The following NCOR2 variants were observed in gnomAD, a reference collection of about 807,000 sequenced individuals.
NCOR2 encodes the protein nuclear receptor corepressor 2, also known as CTG repeat protein 26.
Under a neutral mutation model 262.9 loss-of-function variants are expected in NCOR2, and 81 were observed. That is an observed-to-expected ratio of 0.31 (90% CI 0.26 to 0.37). The LOEUF is 0.37. Ranked by LOEUF, NCOR2 falls within the 10% of genes least tolerant of loss-of-function variation. The pLI is 1.00. For synonymous variants in NCOR2, 1,659 were observed against 1,559.3 expected, an observed-to-expected ratio of 1.06 and a Z score of -1.51; for missense variants, 3,385 against 3,621.4, an observed-to-expected ratio of 0.93 and a Z score of 1.68.
At chr12:124,400,766 C>G in intron 14 of NCOR2, 93 bp from the exon 17 acceptor site, 1 of 1,488,288 alleles carries the variant, frequency 6.7e-7, no homozygotes, top group Non-Finnish European at 9.2e-7. Flanking sequence ...TGGATTTGCA[C>G]TGGCTGCCAG....
chr12:124,566,876 C>T lies in NCOR2; in HGVS notation c.-165+432G>A, dbSNP rs1318612932. ...CAGCCAGGCCAGGGAGCTAGGGGTACCATCTCCAAGGGCTTTCAAACCCGC... is the reference window on the plus strand; with the variant it reads ...CAGCCAGGCCAGGGAGCTAGGGGTATCATCTCCAAGGGCTTTCAAACCCGC... On this transcript the variant is annotated intron_variant, in intron 1 of 32. Coordinates refer to the NCOR2 transcript ENST00000458234. This position sits in a 1 kb window ranked among gnomAD's most constrained non-coding sequence, Gnocchi z 4.3. Among the ~76,000 whole-genome samples the T allele has an allele frequency of 2.6e-5, 4 of 152,198 alleles. No individual in the cohort carries two copies. The highest frequency in any genetic ancestry group is 9.6e-5 in the African/African-American group (4 of 41,456).
intron 5 of NCOR2, among the ~76,000 whole-genome samples, chr12:124,464,622 T>C (rs1455557162): frequency 1.3e-5 from 2 of 152,236 alleles, no homozygotes; most frequent in Non-Finnish European, 2.9e-5. Flanking sequence ...ATGAGAGCTA[T>C]GATAATGACA....
At chr12:124,532,262 C>A (rs1177003353) in intron 1 of NCOR2, among the ~76,000 whole-genome samples, 1 of 152,040 alleles carries the variant, frequency 6.6e-6, no homozygotes, top group Non-Finnish European at 1.5e-5. Flanking sequence ...GAAAAGGCTG[C>A]ACCCCCCACC....
intron 22 of NCOR2, among the ~76,000 whole-genome samples, chr12:124,361,480 G>A (rs575460387): frequency 3.3e-5 from 5 of 152,262 alleles, no homozygotes; most frequent in South Asian, 2.1e-4. Context: ...AATCACGCCC[G>A]CCTGTCTCCT....
intron 10 of NCOR2, among the ~76,000 whole-genome samples, chr12:124,428,105 C>A (rs2043695655): frequency 1.7e-5 from 1 of 57,284 alleles, no homozygotes; most frequent in African/African-American, 3.6e-5. Context: ...AACAATCAGC[C>A]CAGGTGCCAC....
chr12:124,377,959 A>G (rs1186798899), intron 18 of NCOR2, among the ~76,000 whole-genome samples: 1 of 152,178 alleles, frequency 6.6e-6, no homozygotes, highest in Non-Finnish European at 1.5e-5. Flanking sequence ...TCACCCAAGC[A>G]TAAGACTGGA....
chr12:124,334,560 G>T, exon 41 of NCOR2: 1 of 1,415,616 alleles, frequency 7.1e-7, no homozygotes. Context: ...AGGGGGGCGG[G>T]CAGGGGTGCG....
At chr12:124,493,415 C>T (rs369105983) in intron 1 of NCOR2, among the ~76,000 whole-genome samples, 10 of 152,316 alleles carry the variant, frequency 6.6e-5, no homozygotes, top group East Asian at 5.8e-4. Context: ...CTGAGCCAGG[C>T]GCCATCTTAA....
At chr12:124,466,227 C>T (rs368495657) in exon 5 of NCOR2, 91 of 1,610,192 alleles carry the variant, frequency 5.7e-5, no homozygotes, top group South Asian at 1.2e-4. Context: ...ACTCGATGGG[C>T]GGCGGTGACA....
chr12:124,355,498 C>T (rs765668418), exon 24 of NCOR2: 10 of 1,609,592 alleles, frequency 6.2e-6, no homozygotes, highest in African/African-American at 4.0e-5. Flanking sequence ...TGAGGGGAGG[C>T]GGGTTGGAGA....
In NCOR2 at chr12:124,333,173, C is replaced by T. The variant is rs201904368; in HGVS notation, c.6712G>A (p.Val2238Met). The T allele has an allele frequency of 9.2e-4, 1,477 of 1,612,814 alleles. 3 individuals are homozygous for T. The highest frequency in any genetic ancestry group is 1.4e-3 in the Admixed American group (86 of 59,958). Reference sequence around the variant, plus strand: ...CCATCCCGGTACAGCAGCGGGTACACAGCACTCCGGGAGTGCCCTGGCTCC... The same window carrying T: ...CCATCCCGGTACAGCAGCGGGTACATAGCACTCCGGGAGTGCCCTGGCTCC... Residue 2238 changes from valine (V) to methionine (M), a missense_variant, in exon 42 of 47, where the codon GTG becomes ATG. Physicochemically the swap from Val to Met is conservative, Grantham distance 21. Coordinates refer to ENST00000405201, the Ensembl canonical transcript of NCOR2.
At chr12:124,376,237 C>T (rs1430354795) in intron 18 of NCOR2, among the ~76,000 whole-genome samples, 1 of 152,206 alleles carries the variant, frequency 6.6e-6, no homozygotes, top group African/African-American at 2.4e-5. Context: ...AGCCCTCCCT[C>T]CTCCCCCACC....
intron 1 of NCOR2, among the ~76,000 whole-genome samples, chr12:124,524,777 A>C (rs1402290457): frequency 2.0e-5 from 3 of 152,158 alleles, no homozygotes; most frequent in African/African-American, 7.2e-5. Flanking sequence ...ATGGAAGACT[A>C]ATTCAGCTCT....
At chr12:124,346,582 C>A (rs774153308) in exon 31 of NCOR2, 2 of 1,568,604 alleles carry the variant, frequency 1.3e-6, no homozygotes, top group Middle Eastern at 4.0e-4. Context: ...TGGAGCCCTC[C>A]TTGAGCGGCC....
At chr12:124,558,266 A>ACC (rs11428567) in intron 1 of NCOR2, among the ~76,000 whole-genome samples, 15 of 113,074 alleles carry the variant, frequency 1.3e-4, no homozygotes, top group South Asian at 6.0e-4. Context: ...TCTCCCACCC[A>ACC]CCCCCCCTCC....
chr12:124,411,173 G>A (rs1023158682), intron 13 of NCOR2, among the ~76,000 whole-genome samples: 5 of 151,896 alleles, frequency 3.3e-5, no homozygotes, highest in Admixed American at 6.6e-5. Context: ...AGAAACAGAC[G>A]AGACGTGGAC....
chr12:124,490,419 T>G (rs2048019416), intron 1 of NCOR2, among the ~76,000 whole-genome samples: 1 of 95,514 alleles, frequency 1.0e-5, no homozygotes, highest in Non-Finnish European at 2.3e-5. Flanking sequence ...GATGGATGGA[T>G]GGATGGATGG....
intron 28 of NCOR2, among the ~76,000 whole-genome samples, chr12:124,349,967 AG>A (rs2037300534): frequency 1.3e-5 from 2 of 152,154 alleles, no homozygotes; most frequent in East Asian, 3.9e-4. Flanking sequence ...AGGCCTGGGG[AG>A]GGGGCTGCGG....
Position 124,510,916 on chromosome 12 carries a change from C to T in NCOR2, c.-117-15548G>A, listed in dbSNP as rs574587116. Among the ~76,000 whole-genome samples the T allele has an allele frequency of 3.9e-5, 6 of 152,336 alleles. No individual in the cohort carries two copies. The East Asian group carries it at 5.8e-4, about 15-fold the overall frequency. Reference sequence around the variant, plus strand: ...CTCCGTGACCTCCCTCATCAGAACCCGGAATCTGGACTCCAACCTGTGCTG... The same window carrying T: ...CTCCGTGACCTCCCTCATCAGAACCTGGAATCTGGACTCCAACCTGTGCTG... On this transcript the variant is annotated intron_variant, in intron 1 of 46. Coordinates refer to the NCOR2 transcript ENST00000404621.
Sources: gnomAD v4.1 joint callset for allele counts (sites outside exome capture counted in the v4.1 genomes callset) on GRCh38, gnomAD v4.1.1 for gene constraint, Gnocchi (gnomAD v3.1) non-coding constraint, MANE v1.5 for transcripts, NCBI Gene and HGNC (gene_info 2026-07-23, HGNC 2026-07-21) for gene names.